The following PRPF6 variants were observed in gnomAD, a reference collection of about 807,000 sequenced individuals.
PRPF6 encodes pre-mRNA processing factor 6, also known as pre-mRNA-processing factor 6.
PRPF6 carries 42 observed loss-of-function variants against 118.3 expected under a neutral mutation model. The ratio of observed to expected loss-of-function variants is 0.35; its 90% CI spans 0.28 to 0.46. The LOEUF (loss-of-function observed/expected upper bound fraction) is 0.46. Among genes scored for constraint, PRPF6 ranks in the 20% least tolerant of loss-of-function variants. The pLI is 1.00. For missense variants in PRPF6, 662 were observed against 1,255.7 expected, an observed-to-expected ratio of 0.53 and a Z score of 7.15; for synonymous variants, 481 against 485.1, an observed-to-expected ratio of 0.99 and a Z score of 0.11.
intron 9 of PRPF6, among the ~76,000 whole-genome samples, chr20:64,002,376 C>T (rs1169019463): frequency 1.3e-5 from 2 of 150,242 alleles, no homozygotes; most frequent in African/African-American, 2.5e-5. Context: ...CGCTTTGTCG[C>T]CCAGGCTGGA....
At chr20:63,996,883 C>T (rs79649020) in intron 6 of PRPF6, among the ~76,000 whole-genome samples, 5 of 151,990 alleles carry the variant, frequency 3.3e-5, no homozygotes, top group Middle Eastern at 3.2e-3. Flanking sequence ...GAGCTATGAT[C>T]GCGCCTCTGC....
At chr20:63,999,850 T>C (rs949287859) in intron 8 of PRPF6, 91 bp downstream of exon 8, 1 of 1,504,736 alleles carries the variant, frequency 6.6e-7, no homozygotes, top group Admixed American at 1.9e-5. Flanking sequence ...TCTTTGTCTT[T>C]TGGTATTGAA....
chr20:64,019,748 T>TCAGGA (rs1260457728), intron 12 of PRPF6, among the ~76,000 whole-genome samples: 1 of 152,242 alleles, frequency 6.6e-6, no homozygotes, highest in African/African-American at 2.4e-5. Flanking sequence ...ATGCTCCTGG[T>TCAGGA]CAGGACACAG....
At position 64,026,220 on chromosome 20, in the gene PRPF6, G is replaced by A. The variant is rs866763072; in HGVS notation, c.2028+162G>A. Among the ~76,000 whole-genome samples the A allele has an allele frequency of 4.6e-5, 7 of 152,186 alleles. No individual in the cohort carries two copies. The highest frequency in any genetic ancestry group is 6.5e-5 in the Admixed American group (1 of 15,280). ...GACTAAAACATTCATGTGGCCGGGC[G>A]TGGTGGCCGGGCGCGGTGGCTCACG... On this transcript the variant is annotated intron_variant, in intron 15 of 20. Coordinates refer to ENST00000266079, the MANE Select transcript of PRPF6 (RefSeq NM_012469.4). The surrounding 1 kb of genome is among the most constrained non-coding windows in gnomAD (Gnocchi z 4.4).
chr20:64,016,571 G>A (rs986925267), intron 11 of PRPF6, 152 bp from the exon 12 acceptor site: 2 of 951,894 alleles, frequency 2.1e-6, no homozygotes, highest in African/African-American at 1.6e-5. Flanking sequence ...TTGGCGTGCA[G>A]TAGACTCACT....
chr20:64,024,571 C>G lies in PRPF6; in HGVS notation c.1786C>G (p.Leu596Val). Residue 596 changes from leucine (L) to valine (V), a missense_variant, in exon 14 of 21, where the codon CTC (leucine) becomes GTC (valine). This residue lies in a region of PRPF6 where 189 missense variants were observed against 323.5 expected (regional missense o/e 0.58). Transcript: ENST00000266079. ...NHGTRESLEA[L>V]LQRAVAHCPK... ...ATCTTGCAGGGAGTCCCTGGAAGCA[C>G]TCCTGCAGAGGGCTGTGGCCCACTG... The G allele has an allele frequency of 1.2e-6, 2 of 1,613,596 alleles. No homozygotes were observed. Among genetic ancestry groups the G allele is most frequent in the African/African-American group, 1.3e-5 (1 of 75,050 alleles).
In PRPF6 at chr20:64,026,890, G is replaced by A. The variant is rs2059293733; in HGVS notation, c.2029-92G>A. 3.1e-6 allele frequency: 4 copies of A among 1,305,766 alleles called. No homozygotes were observed. Among genetic ancestry groups the A allele is most frequent in the Non-Finnish European group, 4.4e-6 (4 of 902,696 alleles). 80.9% of individuals were successfully genotyped at this position (1,305,766 alleles called of 1,614,324 possible). ...TGAAAAGCTTACAAAAGTACACACAGTACTGCAGGTAACAGTGTTGAGGAT... is the reference window on the plus strand; with the variant it reads ...TGAAAAGCTTACAAAAGTACACACAATACTGCAGGTAACAGTGTTGAGGAT... On this transcript the variant is annotated intron_variant, in intron 15 of 20. Coordinates refer to ENST00000266079, the MANE Select transcript of PRPF6 (RefSeq NM_012469.4). This position sits in a 1 kb window ranked among gnomAD's most constrained non-coding sequence, Gnocchi z 4.4.
intron 14 of PRPF6, 54 bp from the exon 15 acceptor site, chr20:64,025,885 G>T: frequency 6.2e-7 from 1 of 1,612,898 alleles, no homozygotes; most frequent in Non-Finnish European, 8.5e-7. Flanking sequence ...AGTGTGATCA[G>T]GCGCTGGTCC....
At chr20:64,016,696 C>T in intron 11 of PRPF6, 27 bp from the exon 12 acceptor site, 17 of 1,613,668 alleles carry the variant, frequency 1.1e-5, no homozygotes, top group Non-Finnish European at 1.4e-5. Flanking sequence ...TCCAAAATCA[C>T]AAATAAGTTT....
chr20:63,997,376 C>T (rs1217319363), intron 6 of PRPF6, among the ~76,000 whole-genome samples: 5 of 151,146 alleles, frequency 3.3e-5, no homozygotes, highest in East Asian at 1.9e-4. Flanking sequence ...CTGCAGCCTC[C>T]GCCTCTCGGG....
intron 3 of PRPF6, among the ~76,000 whole-genome samples, chr20:63,986,472 G>A (rs1008390613): frequency 2.6e-5 from 4 of 151,130 alleles, no homozygotes; most frequent in Non-Finnish European, 5.9e-5. Flanking sequence ...CAGAATGAAG[G>A]ACAAAAACCA....
At chr20:64,021,988 C>CTG (rs111363019) in intron 12 of PRPF6, among the ~76,000 whole-genome samples, 9,869 of 135,572 alleles carry the variant, frequency 0.073, 318 homozygotes, top group African/African-American at 0.098. Flanking sequence ...GGCCACAGCC[C>CTG]TGTGTGTGTG....
rs937455159 is a variant in PRPF6 at position 64,028,764 on chromosome 20, A to G, written c.2431+195A>G. On this transcript the variant is annotated intron_variant, in intron 18 of 20. Coordinates refer to ENST00000266079, the MANE Select transcript of PRPF6 (RefSeq NM_012469.4). This position sits in a 1 kb window ranked among gnomAD's most constrained non-coding sequence, Gnocchi z 6.5. ...GTGAATCATTTCAGTCAAAAGTTTCAGCTATACTCGGCCGTTAAGACAACT... is the reference window on the plus strand; with the variant it reads ...GTGAATCATTTCAGTCAAAAGTTTCGGCTATACTCGGCCGTTAAGACAACT... Among the ~76,000 whole-genome samples, 1 of 152,230 alleles carries G rather than the reference A, an allele frequency of 6.6e-6. No individual in the cohort carries two copies. The highest frequency in any genetic ancestry group is 2.4e-5 in the African/African-American group (1 of 41,460).
At chr20:64,001,694 C>A (rs1245050281) in intron 9 of PRPF6, among the ~76,000 whole-genome samples, 1 of 152,254 alleles carries the variant, frequency 6.6e-6, no homozygotes, top group East Asian at 1.9e-4. Context: ...TGAACTCTTT[C>A]CTGCTGCTGA....
At chr20:63,988,003 T>C (rs1601509311) in intron 3 of PRPF6, among the ~76,000 whole-genome samples, 1 of 151,194 alleles carries the variant, frequency 6.6e-6, no homozygotes, top group Non-Finnish European at 1.5e-5. Context: ...ACCAACGTGG[T>C]GAAACCCTGT....
At position 64,011,449 on chromosome 20, in the gene PRPF6, C is replaced by T. The variant is rs2059216871; in HGVS notation, c.1470C>T (p.Ala490=). ...TGGTGGAGAAGATCATCGACCGAGC[C>T]ATCACCTCGCTGCGGGCCAACGGTG... The part of the protein sequence containing the change: ...TQMVEKIIDR[A]ITSLRANGVE... The change falls in exon 11 of 21, where the codon GCC becomes GCT. Residue 490 remains alanine, a synonymous_variant. Coordinates refer to ENST00000266079, the MANE Select transcript of PRPF6 (RefSeq NM_012469.4). The surrounding 1 kb of genome is among the most constrained non-coding windows in gnomAD (Gnocchi z 6.7). 1 of 1,614,022 alleles carries T rather than the reference C, an allele frequency of 6.2e-7. No homozygotes were observed. Among genetic ancestry groups the T allele is most frequent in the African/African-American group, 1.3e-5 (1 of 74,942 alleles).
At chr20:63,996,536 A>G (rs1303526620) in intron 6 of PRPF6, among the ~76,000 whole-genome samples, 1 of 152,178 alleles carries the variant, frequency 6.6e-6, no homozygotes, top group African/African-American at 2.4e-5. Flanking sequence ...CCTGGGCTGG[A>G]GCTCCTGGGC....
chr20:63,982,714 G>C (rs2059076703), intron 1 of PRPF6, among the ~76,000 whole-genome samples: 1 of 152,178 alleles, frequency 6.6e-6, no homozygotes, highest in African/African-American at 2.4e-5. Context: ...GCTGTTATCA[G>C]CTGAAACCCC....
chr20:64,028,563 A>AACTCCGGTAAGGGGGTGCCCCG lies in PRPF6; in HGVS notation c.2431+15_2431+36dup, dbSNP rs771425756. ...GGCCAAGGCGCTGCAGGAGTGCCCC[A>AACTCCGGTAAGGGGGTGCCCCG]ACTCCGGTAAGGGGGTGCCCCGACT... is the stretch of plus-strand genomic sequence containing the variant. On this transcript the variant is annotated frameshift_variant, in exon 18 of 21. Transcript: ENST00000266079. LOFTEE classifies it high-confidence loss of function. This position sits in a 1 kb window ranked among gnomAD's most constrained non-coding sequence, Gnocchi z 6.5. 25 of 1,612,704 alleles carry AACTCCGGTAAGGGGGTGCCCCG rather than the reference A, an allele frequency of 1.6e-5. No homozygotes were observed. In the East Asian group the frequency reaches 2.5e-4, roughly 16 times the overall value.
Sources: allele counts gnomAD v4.1 joint callset (sites outside exome capture counted in the v4.1 genomes callset), GRCh38; gene constraint gnomAD v4.1.1; regional missense constraint gnomAD v4.1.1; non-coding constraint Gnocchi (gnomAD v3.1); transcripts MANE v1.5; gene names NCBI Gene and HGNC (gene_info 2026-07-23, HGNC 2026-07-21).